MTNR1A: variants seen among roughly 807,000 people sequenced by gnomAD.
The protein encoded by MTNR1A is melatonin receptor 1A, also known as melatonin receptor type 1A.
MTNR1A carries 7 observed loss-of-function variants against 5.5 expected under a neutral mutation model. The ratio of observed to expected loss-of-function variants is 1.28; its 90% CI spans 0.73 to 2.40. The LOEUF (loss-of-function observed/expected upper bound fraction) is 2.40, where lower values mean the gene tolerates loss of function less well. Among genes scored for constraint, MTNR1A ranks in the 30% most tolerant of loss-of-function variants. The pLI, the probability that MTNR1A is intolerant of heterozygous loss-of-function variation, is 0.00. For missense variants in MTNR1A, 441 were observed against 464.4 expected, an observed-to-expected ratio of 0.95 and a Z score of 0.46; for synonymous variants, 196 against 202.7, an observed-to-expected ratio of 0.97 and a Z score of 0.28.
intron 1 of MTNR1A, among the ~76,000 whole-genome samples, chr4:186,536,442 C>T (rs1476765787): frequency 3.9e-5 from 6 of 152,208 alleles, no homozygotes; most frequent in Admixed American, 3.3e-4. Context: ...GAAAGGGGTG[C>T]GCTGGACAGG....
At chr4:186,552,931 G>T (rs577466662) in intron 1 of MTNR1A, among the ~76,000 whole-genome samples, 1 of 152,190 alleles carries the variant, frequency 6.6e-6, no homozygotes, top group South Asian at 2.1e-4. Context: ...AGCCTGCGTC[G>T]GCTGTGGCTG....
At chr4:186,553,522 T>C (rs540634945) in intron 1 of MTNR1A, among the ~76,000 whole-genome samples, 1 of 152,324 alleles carries the variant, frequency 6.6e-6, no homozygotes, top group African/African-American at 2.4e-5. Context: ...TTTTATTTTA[T>C]TTTTTTGAGA....
chr4:186,547,455 G>A (rs1300773213), intron 1 of MTNR1A, among the ~76,000 whole-genome samples: 1 of 151,968 alleles, frequency 6.6e-6, no homozygotes, highest in African/African-American at 2.4e-5. Flanking sequence ...CCCTGTTCCT[G>A]GGACATGCTG....
intron 1 of MTNR1A, among the ~76,000 whole-genome samples, chr4:186,551,799 A>C (rs1218545865): frequency 1.3e-5 from 2 of 152,200 alleles, no homozygotes; most frequent in African/African-American, 4.8e-5. Flanking sequence ...GGTAATGCAG[A>C]ATGAATAAAT....
At chr4:186,545,187 G>A (rs1030727860) in intron 1 of MTNR1A, among the ~76,000 whole-genome samples, 3 of 152,102 alleles carry the variant, frequency 2.0e-5, no homozygotes, top group Non-Finnish European at 2.9e-5. Context: ...TCAGCTCTAT[G>A]ATGAGGTTGG....
At chr4:186,545,866 C>T (rs865812315) in intron 1 of MTNR1A, among the ~76,000 whole-genome samples, 1 of 152,082 alleles carries the variant, frequency 6.6e-6, no homozygotes, top group Non-Finnish European at 1.5e-5. Context: ...GGAATATTCT[C>T]TGGCAGTACA....
At position 186,534,148 on chromosome 4, in the gene MTNR1A, G is replaced by C; in HGVS notation, c.594C>G (p.Val198=). The part of the protein sequence containing the change: ...TIAVVVFHFL[V]PMIIVIFCYL... ...AACAGAAGATGACTATGATCATGGG[G>C]ACGAGGAAGTGGAAAACCACCACGG... Residue 198 remains valine, a synonymous_variant, in exon 2 of 2, where the codon GTC becomes GTG. Transcript: ENST00000307161. 1 of 1,613,652 alleles carries C rather than the reference G, an allele frequency of 6.2e-7. No homozygotes were observed. The highest frequency in any genetic ancestry group is 2.2e-5 in the East Asian group (1 of 44,884).
chr4:186,534,625 AAAG>A, intron 1 of MTNR1A, 68 bp from the exon 2 acceptor site: 4 of 1,572,230 alleles, frequency 2.5e-6, no homozygotes, highest in Non-Finnish European at 3.5e-6. Flanking sequence ...TACAATTGTT[AAAG>A]AAGGAGCTGC....
chr4:186,536,588 C>T (rs1038041850), intron 1 of MTNR1A, among the ~76,000 whole-genome samples: 1 of 152,050 alleles, frequency 6.6e-6, no homozygotes, highest in African/African-American at 2.4e-5. Flanking sequence ...AGACCACACC[C>T]AATAAATACA....
At chr4:186,552,552 C>T (rs1440257458) in intron 1 of MTNR1A, among the ~76,000 whole-genome samples, 1 of 152,180 alleles carries the variant, frequency 6.6e-6, no homozygotes, top group East Asian at 1.9e-4. Context: ...AAACAGAGCA[C>T]GCCCTTGTTA....
chr4:186,543,918 G>GA (rs1405000363), intron 1 of MTNR1A, among the ~76,000 whole-genome samples: 4 of 152,176 alleles, frequency 2.6e-5, no homozygotes, highest in African/African-American at 9.6e-5. Flanking sequence ...ATGCTCCCTA[G>GA]AATTCTGTTT....
At chr4:186,537,239 G>C (rs1736877912) in intron 1 of MTNR1A, among the ~76,000 whole-genome samples, 1 of 152,178 alleles carries the variant, frequency 6.6e-6, no homozygotes, top group Non-Finnish European at 1.5e-5. Flanking sequence ...TTTAGCACCA[G>C]TGTTCATGTG....
At chr4:186,550,648 G>C (rs1737250129) in intron 1 of MTNR1A, among the ~76,000 whole-genome samples, 1 of 152,104 alleles carries the variant, frequency 6.6e-6, no homozygotes, top group Admixed American at 6.5e-5. Flanking sequence ...TTTATCCTAG[G>C]TTAACTCCCA....
At chr4:186,541,799 G>A (rs1340992828) in intron 1 of MTNR1A, among the ~76,000 whole-genome samples, 1 of 152,152 alleles carries the variant, frequency 6.6e-6, no homozygotes, top group Non-Finnish European at 1.5e-5. Flanking sequence ...CCTGTCCTGT[G>A]GAAAAATTGT....
chr4:186,549,987 G>C (rs935353955), intron 1 of MTNR1A, among the ~76,000 whole-genome samples: 13 of 152,164 alleles, frequency 8.5e-5, no homozygotes, highest in African/African-American at 3.1e-4. Flanking sequence ...CCGTGCAAAT[G>C]CATTTTCTCT....
chr4:186,546,145 G>A (rs779717446), intron 1 of MTNR1A, among the ~76,000 whole-genome samples: 10 of 152,244 alleles, frequency 6.6e-5, no homozygotes, highest in Admixed American at 2.0e-4. Flanking sequence ...ATTTGAGGGC[G>A]TGTGGCCCAT....
intron 1 of MTNR1A, 45 bp from the exon 2 acceptor site, chr4:186,534,602 G>C (rs1268803347): frequency 6.3e-7 from 1 of 1,596,884 alleles, no homozygotes; most frequent in Non-Finnish European, 8.5e-7. Context: ...CCAGTTCACA[G>C]TGGGTTTTCT....
chr4:186,534,188 G>C lies in MTNR1A; in HGVS notation c.554C>G (p.Ser185Cys). 6.2e-7 allele frequency: 1 copy of C among 1,613,644 alleles called. No homozygotes were observed. Among genetic ancestry groups the C allele is most frequent in the Non-Finnish European group, 8.5e-7 (1 of 1,179,594 alleles). The stretch of plus-strand genomic sequence containing the variant: ...AACCACCACGGCGATGGTGTAGGCG[G>C]AGCTGACGGACTGGGCGAAGGTGCA... ...YSCTFAQSVS[S>C]AYTIAVVVFH... Residue 185 changes from serine to cysteine, a missense_variant, in exon 2 of 2, where the codon TCC (serine) becomes TGC (cysteine). Physicochemically the swap from Ser to Cys is moderately radical, Grantham distance 112 (BLOSUM62 -1). Coordinates refer to ENST00000307161, the MANE Select transcript of MTNR1A (RefSeq NM_005958.4).
chr4:186,551,103 T>A (rs908759807), intron 1 of MTNR1A, among the ~76,000 whole-genome samples: 2 of 152,224 alleles, frequency 1.3e-5, no homozygotes, highest in African/African-American at 4.8e-5. Context: ...TGGGGTTAGC[T>A]TGAAATCATT....
Sources: gnomAD v4.1 joint callset for allele counts (sites outside exome capture counted in the v4.1 genomes callset) on GRCh38, gnomAD v4.1.1 for gene constraint, MANE v1.5 for transcripts, NCBI Gene and HGNC (gene_info 2026-07-23, HGNC 2026-07-21) for gene names.